Variants in ATP9B observed in about 807,000 individuals in gnomAD.
ATP9B encodes the protein probable phospholipid-transporting ATPase IIB.
Under a neutral mutation model 146.1 loss-of-function variants are expected in ATP9B, and 110 were observed. The ratio of observed to expected loss-of-function variants is 0.75; its 90% CI spans 0.65 to 0.88. ATP9B has a LOEUF of 0.88. Among genes scored for constraint, ATP9B ranks in the 40% least tolerant of loss-of-function variants. The probability of loss-of-function intolerance (pLI) is 0.00; values close to 1 mark genes in which losing one functional copy is unlikely to be tolerated. For synonymous variants in ATP9B, 604 were observed against 569.7 expected (o/e 1.06, Z -0.86); for missense variants, 1,499 against 1,496.4 (o/e 1.00, Z -0.03).
chr18:79,087,298 T>G (rs910233394), intron 1 of ATP9B: 3 of 152,264 alleles, frequency 2.0e-5, no homozygotes, highest in African/African-American at 7.2e-5. Context: ...CATTGAGGAT[T>G]AAGCTTCCAA....
In ATP9B at chr18:79,377,519, C is replaced by A; in HGVS notation, c.*136C>A. On this transcript the variant is annotated 3_prime_UTR_variant, in exon 30 of 30. Coordinates refer to ENST00000426216, the MANE Select transcript of ATP9B (RefSeq NM_198531.5). ...AGAAAGGGAGGGTACGCCAGGCGAG[C>A]CCAGGGCACAGATGCTGAGACAGCC... The A allele has an allele frequency of 8.5e-7, 1 of 1,180,720 alleles. No homozygotes were observed. Among genetic ancestry groups the A allele is most frequent in the Non-Finnish European group, 1.2e-6 (1 of 850,814 alleles). The allele number at this position is 1,180,720 out of a possible 1,614,324, so 73.1% of individuals were successfully genotyped here.
chr18:79,189,243 A>C (rs937201658), intron 8 of ATP9B, among the ~76,000 whole-genome samples: 2 of 152,098 alleles, frequency 1.3e-5, no homozygotes, highest in African/African-American at 4.8e-5. Context: ...GCTATTCAGG[A>C]GACTGAGGCC....
chr18:79,162,249 G>A (rs1404032929), intron 7 of ATP9B, among the ~76,000 whole-genome samples: 1 of 152,154 alleles, frequency 6.6e-6, no homozygotes, highest in Non-Finnish European at 1.5e-5. Flanking sequence ...ATGGTGGGTT[G>A]CTCATGGCAT....
intron 25 of ATP9B, among the ~76,000 whole-genome samples, chr18:79,354,793 G>T (rs2096941889): frequency 6.6e-6 from 1 of 152,158 alleles, no homozygotes; most frequent in Admixed American, 6.5e-5. Context: ...GGAGCCGGCA[G>T]CCTGGAAACG....
chr18:79,073,925 G>C (rs2072291539), intron 1 of ATP9B, among the ~76,000 whole-genome samples: 1 of 152,156 alleles, frequency 6.6e-6, no homozygotes, highest in Non-Finnish European at 1.5e-5. Flanking sequence ...TTCTAATTCA[G>C]ATTGCGAATG....
intron 6 of ATP9B, among the ~76,000 whole-genome samples, chr18:79,154,085 C>T (rs549856229): frequency 3.4e-4 from 51 of 151,486 alleles, no homozygotes; most frequent in African/African-American, 1.1e-3. Context: ...CAGCCTGTAG[C>T]TGGGACTACA....
intron 17 of ATP9B, among the ~76,000 whole-genome samples, chr18:79,336,166 T>C (rs8083397): frequency 0.22 from 8,229 of 36,912 alleles, 468 homozygotes; most frequent in African/African-American, 0.38. Flanking sequence ...GTGCACCCTC[T>C]GTGCCCTCCC....
chr18:79,077,214 T>C (rs1431846676), intron 1 of ATP9B, among the ~76,000 whole-genome samples: 2 of 152,230 alleles, frequency 1.3e-5, no homozygotes, highest in African/African-American at 4.8e-5. Context: ...TTGGGTATTA[T>C]GTTATGAGAT....
chr18:79,079,851 A>C lies in ATP9B; in HGVS notation c.119+10322A>C, dbSNP rs140776542. ...AGTTGTAAGGAAGGGGTCCAGTTTC[A>C]GTTTTCTGCATATGGCTAGCCAGTT... On this transcript the variant is annotated intron_variant, in intron 1 of 29. Coordinates refer to ENST00000426216, the MANE Select transcript of ATP9B (RefSeq NM_198531.5). Among the ~76,000 whole-genome samples the C allele has an allele frequency of 4.9e-3, 740 of 152,282 alleles. 4 individuals carry two copies. Among genetic ancestry groups the C allele is most frequent in the South Asian group, 0.025 (119 of 4,820 alleles).
intron 19 of ATP9B, among the ~76,000 whole-genome samples, chr18:79,338,828 G>A (rs965701489): frequency 2.6e-5 from 4 of 152,166 alleles, no homozygotes; most frequent in African/African-American, 9.7e-5. Flanking sequence ...ACTCAGAATG[G>A]GAAAAAGTGT....
intron 6 of ATP9B, among the ~76,000 whole-genome samples, chr18:79,150,503 C>T (rs1599930441): frequency 6.6e-6 from 1 of 152,104 alleles, no homozygotes; most frequent in Non-Finnish European, 1.5e-5. Context: ...AGTAGCTGTG[C>T]GTTCACACCG....
intron 8 of ATP9B, among the ~76,000 whole-genome samples, chr18:79,180,305 C>A (rs2095235485): frequency 6.6e-6 from 1 of 151,788 alleles, no homozygotes; most frequent in South Asian, 2.1e-4. Context: ...CCATTTGTTT[C>A]TTTTCTTCAT....
At chr18:79,253,311 A>G (rs1198903707) in intron 11 of ATP9B, 70 bp from the exon 12 acceptor site, 3 of 1,371,986 alleles carry the variant, frequency 2.2e-6, no homozygotes, top group South Asian at 1.5e-5. Context: ...CATCACTACC[A>G]TGCATTCTGA....
chr18:79,088,305 GTAT>G lies in ATP9B; in HGVS notation c.120-8167_120-8165del, dbSNP rs1193359269. Among the ~76,000 whole-genome samples, 4 of 152,186 alleles carry G rather than the reference GTAT, an allele frequency of 2.6e-5. No individual in the cohort carries two copies. In the South Asian group the frequency reaches 8.3e-4, roughly 32 times the overall value. On this transcript the variant is annotated intron_variant, in intron 1 of 29. Transcript: ENST00000426216. ...AAAAAGATCAAAAGTCTCATTTAGGGTATTATATTACAATATATTTATGTGGTG... is the reference window on the plus strand; with the variant it reads ...AAAAAGATCAAAAGTCTCATTTAGGGTATATTACAATATATTTATGTGGTG...
intron 7 of ATP9B, among the ~76,000 whole-genome samples, chr18:79,164,703 A>AGCG (rs1487887838): frequency 6.6e-6 from 1 of 152,186 alleles, no homozygotes; most frequent in Non-Finnish European, 1.5e-5. Context: ...TGGGTGACAG[A>AGCG]GCGAGACTCC....
intron 8 of ATP9B, among the ~76,000 whole-genome samples, chr18:79,188,080 T>C (rs567639013): frequency 2.0e-5 from 3 of 152,228 alleles, no homozygotes; most frequent in African/African-American, 7.2e-5. Flanking sequence ...GGAATGCGTG[T>C]GTAGAATCAA....
chr18:79,112,792 T>G (rs1365264337), intron 3 of ATP9B, among the ~76,000 whole-genome samples: 1 of 152,132 alleles, frequency 6.6e-6, no homozygotes, highest in Non-Finnish European at 1.5e-5. Flanking sequence ...TTCATAAATA[T>G]AAGGTTAATA....
chr18:79,116,940 TA>T (rs377608135), intron 4 of ATP9B, among the ~76,000 whole-genome samples: 17,146 of 106,748 alleles, frequency 0.16, 887 homozygotes, highest in East Asian at 0.27. Flanking sequence ...AAAAAAAAAT[TA>T]AAAAAAAAAA....
chr18:79,297,298 G>A (rs1244637924), intron 13 of ATP9B, among the ~76,000 whole-genome samples: 1 of 149,550 alleles, frequency 6.7e-6, no homozygotes, highest in East Asian at 2.0e-4. Flanking sequence ...AGACACAGAC[G>A]ACCCAGAGAG....
Sources: gnomAD v4.1 joint callset for allele counts (sites outside exome capture counted in the v4.1 genomes callset) on GRCh38, gnomAD v4.1.1 for gene constraint, MANE v1.5 for transcripts, NCBI Gene and HGNC (gene_info 2026-07-23, HGNC 2026-07-21) for gene names.